Variants in LRGUK observed in about 807,000 individuals in gnomAD.
LRGUK encodes the protein leucine-rich repeat and guanylate kinase domain-containing protein.
A neutral mutation model predicts 76.0 loss-of-function variants in LRGUK; 65 were observed. That is an observed-to-expected ratio of 0.85 (90% CI 0.70 to 1.05). LRGUK has a LOEUF of 1.05. Ranked by LOEUF, LRGUK falls within the 50% of genes least tolerant of loss-of-function variation. The pLI, the probability that LRGUK is intolerant of heterozygous loss-of-function variation, is 0.00. For synonymous variants in LRGUK, 268 were observed against 265.6 expected (o/e 1.01, Z -0.09); for missense variants, 758 against 732.8 (o/e 1.03, Z -0.40).
At chr7:134,202,108 A>G (rs922898941) in intron 15 of LRGUK, among the ~76,000 whole-genome samples, 12 of 152,168 alleles carry the variant, frequency 7.9e-5, no homozygotes, top group Non-Finnish European at 5.9e-5. Flanking sequence ...GTTCTGCTAC[A>G]TGGACCTAAT....
chr7:134,140,405 A>C (rs1797720521), intron 3 of LRGUK, among the ~76,000 whole-genome samples: 1 of 152,112 alleles, frequency 6.6e-6, no homozygotes, highest in African/African-American at 2.4e-5. Context: ...CACAATTTGT[A>C]GTTTTATATA....
At chr7:134,177,478 C>T (rs1563163686) in intron 9 of LRGUK, among the ~76,000 whole-genome samples, 1 of 152,044 alleles carries the variant, frequency 6.6e-6, no homozygotes, top group Non-Finnish European at 1.5e-5. Flanking sequence ...TCAAAAGGTA[C>T]TCAAATAAAT....
chr7:134,206,358 T>TG (rs1164366955), intron 15 of LRGUK, among the ~76,000 whole-genome samples: 4 of 151,980 alleles, frequency 2.6e-5, no homozygotes, highest in Admixed American at 1.3e-4. Context: ...CTACTAAAAA[T>TG]ACAAAAATTA....
At chr7:134,203,181 G>A (rs1427663298) in intron 15 of LRGUK, among the ~76,000 whole-genome samples, 1 of 151,836 alleles carries the variant, frequency 6.6e-6, no homozygotes, top group African/African-American at 2.4e-5. Context: ...CTAGCCTAGT[G>A]TCAGAGCAAA....
intron 3 of LRGUK, among the ~76,000 whole-genome samples, chr7:134,141,349 GC>G (rs1797756535): frequency 6.6e-6 from 1 of 152,138 alleles, no homozygotes; most frequent in Non-Finnish European, 1.5e-5. Flanking sequence ...TAGGTTTGGG[GC>G]GGGGCCTGGA....
chr7:134,231,376 C>A (rs72607802), intron 16 of LRGUK, among the ~76,000 whole-genome samples: 12,640 of 152,170 alleles, frequency 0.083, 951 homozygotes, highest in East Asian at 0.4. Flanking sequence ...GCTCTCATAG[C>A]CATCATCTCC....
At position 134,263,914 on chromosome 7, in the gene LRGUK, T is replaced by A. The variant is rs141587092; in HGVS notation, c.2417T>A (p.Ile806Asn). ...CACAGACAACACTCGGTCCCAGTCA[T>A]CAGTCGCCCAGGTTCCAACGTCAAA... Residue 806 changes from isoleucine (I) to asparagine (N), a missense_variant, in exon 20 of 20, where the codon ATC becomes AAC. Physicochemically the swap from Ile to Asn is moderately radical, Grantham distance 149 (BLOSUM62 -3). Transcript: ENST00000285928. 3.3e-5 allele frequency: 54 copies of A among 1,612,992 alleles called. No individual in the cohort carries two copies. The African/African-American group carries it at 6.8e-4, about 20-fold the overall frequency.
At chr7:134,220,579 C>CTTTT (rs202144898) in intron 15 of LRGUK, among the ~76,000 whole-genome samples, 1 of 145,092 alleles carries the variant, frequency 6.9e-6, no homozygotes, top group Non-Finnish European at 1.5e-5. Context: ...TCTTCTTCTT[C>CTTTT]TTTTTTTTTT....
rs575155045 is a variant in LRGUK, at chr7:134,136,469, G to A, written c.298-554G>A. Among the ~76,000 whole-genome samples, 37 of 152,320 alleles carry A rather than the reference G, an allele frequency of 2.4e-4. 2 individuals are homozygous for A. In the South Asian group the frequency reaches 7.7e-3, roughly 32 times the overall value. ...TAATTTGATGTAACCATCCTTTGGG[G>A]TGTGGGCAAGCAGTCAAATGCAGTG... is the stretch of plus-strand genomic sequence containing the variant. On this transcript the variant is annotated intron_variant, in intron 1 of 15. Transcript: ENST00000645682.
At chr7:134,142,246 A>G (rs1020518004) in intron 3 of LRGUK, among the ~76,000 whole-genome samples, 3 of 152,158 alleles carry the variant, frequency 2.0e-5, no homozygotes, top group Non-Finnish European at 4.4e-5. Flanking sequence ...TTAGGCAGAG[A>G]AAGGACTTAC....
At chr7:134,177,750 A>T (rs1799543036) in intron 9 of LRGUK, among the ~76,000 whole-genome samples, 1 of 152,214 alleles carries the variant, frequency 6.6e-6, no homozygotes, top group Non-Finnish European at 1.5e-5. Flanking sequence ...CCATCTCATA[A>T]ATGCCTTTCT....
exon 7 of LRGUK, chr7:134,163,540 G>T (rs1396922835): frequency 6.2e-7 from 1 of 1,609,020 alleles, no homozygotes. Context: ...AGGATAATAA[G>T]GTAGTGTTGC....
In LRGUK at chr7:134,203,299, A is replaced by C. The variant is rs1216638957; in HGVS notation, c.1843+1723A>C. Among the ~76,000 whole-genome samples the C allele has an allele frequency of 2.0e-5, 3 of 152,290 alleles. No individual in the cohort carries two copies. In the East Asian group the frequency reaches 5.8e-4, roughly 29 times the overall value. ...TCCCTTGATGGACTGAACCCCATTC[A>C]CACACTGCATATTGTGAAATGTTAA... On this transcript the variant is annotated intron_variant, in intron 15 of 15. Coordinates refer to ENST00000645682, the Ensembl canonical transcript of LRGUK.
At chr7:134,276,397 T>C in the LRGUK span, among the ~76,000 whole-genome samples, 2 of 152,148 alleles carry the variant, frequency 1.3e-5, no homozygotes, top group Admixed American at 6.5e-5. Flanking sequence ...AGTCTGACTT[T>C]AGGCAATTTA....
chr7:134,137,601 A>T (rs1177695189), intron 2 of LRGUK, among the ~76,000 whole-genome samples: 1 of 6,396 alleles, frequency 1.6e-4, no homozygotes. Flanking sequence ...GATACCTATC[A>T]TTAAAGAAAA....
intron 3 of LRGUK, among the ~76,000 whole-genome samples, chr7:134,142,785 G>T (rs538109572): frequency 4.6e-5 from 7 of 152,314 alleles, no homozygotes; most frequent in African/African-American, 1.7e-4. Flanking sequence ...GGAAGAGGCC[G>T]CAGGGATTGG....
At chr7:134,236,452 T>C (rs967139304) in intron 16 of LRGUK, among the ~76,000 whole-genome samples, 7 of 152,228 alleles carry the variant, frequency 4.6e-5, no homozygotes, top group Non-Finnish European at 8.8e-5. Flanking sequence ...TAAAGGACTC[T>C]GTTTAGACTG....
At chr7:134,135,508 A>T (rs1334487683) in intron 1 of LRGUK, among the ~76,000 whole-genome samples, 9 of 152,222 alleles carry the variant, frequency 5.9e-5, no homozygotes, top group Non-Finnish European at 8.8e-5. Flanking sequence ...CATATTTTAC[A>T]GCGACATGTC....
chr7:134,217,119 A>G (rs1366841674), intron 15 of LRGUK, among the ~76,000 whole-genome samples: 2 of 151,294 alleles, frequency 1.3e-5, no homozygotes, highest in Non-Finnish European at 2.9e-5. Context: ...ATCTTCTTTA[A>G]AGTGTCAAGT....
Sources: allele counts gnomAD v4.1 joint callset (sites outside exome capture counted in the v4.1 genomes callset), GRCh38; gene constraint gnomAD v4.1.1; transcripts MANE v1.5; gene names NCBI Gene and HGNC (gene_info 2026-07-23, HGNC 2026-07-21).